PAF1: variants seen among roughly 807,000 people sequenced by gnomAD.
PAF1 encodes RNA polymerase II-associated factor 1 homolog.
PAF1 carries 31 observed loss-of-function variants against 68.4 expected under a neutral mutation model. The ratio of observed to expected loss-of-function variants is 0.45; its 90% CI spans 0.34 to 0.61. The LOEUF (loss-of-function observed/expected upper bound fraction) is 0.61, where lower values mean the gene tolerates loss of function less well. PAF1 is among the 20% of genes least tolerant of loss of function. The pLI is 0.01. For missense variants in PAF1, 435 were observed against 692.9 expected, an observed-to-expected ratio of 0.63 and a Z score of 4.18; for synonymous variants, 256 against 240.5, an observed-to-expected ratio of 1.06 and a Z score of -0.60.
chr19:39,387,808 C>T (rs919367527), intron 11 of PAF1, among the ~76,000 whole-genome samples: 1 of 152,212 alleles, frequency 6.6e-6, no homozygotes, highest in East Asian at 1.9e-4. Context: ...AAACTTGGCC[C>T]TCTGCCTTGC....
At position 39,385,907 on chromosome 19, in the gene PAF1, T is replaced by C. The variant is rs775270853; in HGVS notation, c.*84A>G. 56 of 1,561,354 alleles carry C rather than the reference T, an allele frequency of 3.6e-5. No homozygotes were observed. In the African/African-American group the frequency reaches 6.2e-4, roughly 17 times the overall value. On this transcript the variant is annotated 3_prime_UTR_variant, in exon 14 of 14. Transcript: ENST00000221265. ...GGTTTGGGGGTGGGGAACAAACAAG[T>C]GAAAGGCTCACAAACAGACCACTAG...
Position 39,390,901 on chromosome 19 carries a change from C to G in PAF1, c.-37G>C. 5 of 1,560,326 alleles carry G rather than the reference C, an allele frequency of 3.2e-6. No individual in the cohort carries two copies. The highest frequency in any genetic ancestry group is 4.3e-6 in the Non-Finnish European group (5 of 1,151,546). On this transcript the variant is annotated 5_prime_UTR_variant, in exon 1 of 14. Transcript: ENST00000221265. ...GACGGCAGCCCGGACGGGGTCCTAGCGGGACCGAAGGGGGACGCAGAGGGG... is the reference window on the plus strand; with the variant it reads ...GACGGCAGCCCGGACGGGGTCCTAGGGGGACCGAAGGGGGACGCAGAGGGG...
Position 39,390,038 on chromosome 19 carries a change from C to T in PAF1, c.170+31G>A, listed in dbSNP as rs765314769. 6.5e-6 allele frequency: 10 copies of T among 1,540,940 alleles called. 1 individual carries two copies. The highest frequency in any genetic ancestry group is 2.2e-5 in the South Asian group (2 of 89,538). On this transcript the variant is annotated intron_variant, in intron 3 of 13. Coordinates refer to ENST00000221265, the MANE Select transcript of PAF1 (RefSeq NM_019088.4). Reference sequence around the variant, plus strand: ...AGTCCCTGCCTTCAAGGAACTCATACCTGAGTAGTTTTCCCATTCCTTAGT... The same window carrying T: ...AGTCCCTGCCTTCAAGGAACTCATATCTGAGTAGTTTTCCCATTCCTTAGT...
At position 39,386,855 on chromosome 19, in the gene PAF1, C is replaced by A; in HGVS notation, c.987-56G>T. 1 of 1,171,892 alleles carries A rather than the reference C, an allele frequency of 8.5e-7. No homozygotes were observed. Among genetic ancestry groups the A allele is most frequent in the Non-Finnish European group, 1.3e-6 (1 of 778,500 alleles). The allele number at this position is 1,171,892 out of a possible 1,614,324, so 72.6% of individuals were successfully genotyped here. A position where few individuals can be genotyped will look rare whatever the true frequency, so the allele number is the denominator to read the frequency against. ...GGAAGATGCAGTTAAAGACACACCT[C>A]CCACTTCCCCGCCCCCCAGTGAGGG... On this transcript the variant is annotated intron_variant, in intron 11 of 13. Transcript: ENST00000221265. The surrounding 1 kb of genome is among the most constrained non-coding windows in gnomAD (Gnocchi z 6.1).
chr19:39,386,846 G>C lies in PAF1; in HGVS notation c.987-47C>G. 6.9e-6 allele frequency: 9 copies of C among 1,308,554 alleles called. No homozygotes were observed. Among genetic ancestry groups the C allele is most frequent in the Non-Finnish European group, 1.0e-5 (9 of 902,162 alleles). The allele number at this position is 1,308,554 out of a possible 1,614,324, so 81.1% of individuals were successfully genotyped here. A position where few individuals can be genotyped will look rare whatever the true frequency, so the allele number is the denominator to read the frequency against. ...GAGAGAAGTGGAAGATGCAGTTAAAGACACACCTCCCACTTCCCCGCCCCC... is the reference window on the plus strand; with the variant it reads ...GAGAGAAGTGGAAGATGCAGTTAAACACACACCTCCCACTTCCCCGCCCCC... On this transcript the variant is annotated intron_variant, in intron 11 of 13. Transcript: ENST00000221265. The surrounding 1 kb of genome is among the most constrained non-coding windows in gnomAD (Gnocchi z 6.1).
Position 39,389,893 on chromosome 19 carries a change from G to A in PAF1, c.171-132C>T. ...CCCCCATGGCAGAGTCTGAAAGCTGGCTCCCCAGTGGGAAGGGACTTGGAC... is the reference window on the plus strand; with the variant it reads ...CCCCCATGGCAGAGTCTGAAAGCTGACTCCCCAGTGGGAAGGGACTTGGAC... On this transcript the variant is annotated intron_variant, in intron 3 of 13. Coordinates refer to ENST00000221265, the MANE Select transcript of PAF1 (RefSeq NM_019088.4). This position sits in a 1 kb window ranked among gnomAD's most constrained non-coding sequence, Gnocchi z 5.3. 7.7e-7 allele frequency: 1 copy of A among 1,296,456 alleles called. No homozygotes were observed. The highest frequency in any genetic ancestry group is 1.2e-5 in the South Asian group (1 of 80,686). The allele number at this position is 1,296,456 out of a possible 1,614,324, so 80.3% of individuals were successfully genotyped here.
Position 39,390,296 on chromosome 19 carries a change from G to T in PAF1, c.48-7C>A. 6.2e-7 allele frequency: 1 copy of T among 1,610,112 alleles called. No homozygotes were observed. Among genetic ancestry groups the T allele is most frequent in the Non-Finnish European group, 8.5e-7 (1 of 1,178,048 alleles). ...AGTCCGGTGGGAATTGGGCCTAGTG[G>T]AGAAGAAAGAAACAGTGATAGGTGG... On this transcript the variant is annotated splice_region_variant and splice_polypyrimidine_tract_variant and intron_variant, in intron 1 of 13. Transcript: ENST00000221265.
chr19:39,389,475 C>T lies in PAF1; in HGVS notation c.359+5G>A. The T allele has an allele frequency of 4.3e-6, 7 of 1,614,144 alleles. No homozygotes were observed. The highest frequency in any genetic ancestry group is 5.9e-6 in the Non-Finnish European group (7 of 1,179,984). On this transcript the variant is annotated splice_donor_5th_base_variant and intron_variant, in intron 5 of 13. Coordinates refer to ENST00000221265, the MANE Select transcript of PAF1 (RefSeq NM_019088.4). This position sits in a 1 kb window ranked among gnomAD's most constrained non-coding sequence, Gnocchi z 5.3. ...GTCTCCAGTACCCATTTGCTACCCA[C>T]TCACCTCTTGGAGCTGGTGGGGGCC...
Position 39,385,951 on chromosome 19 carries a change from A to G in PAF1, c.*40T>C. 6.2e-7 allele frequency: 1 copy of G among 1,608,632 alleles called. No individual in the cohort carries two copies. Among genetic ancestry groups the G allele is most frequent in the Non-Finnish European group, 8.5e-7 (1 of 1,178,634 alleles). On this transcript the variant is annotated 3_prime_UTR_variant, in exon 14 of 14. Transcript: ENST00000221265. ...CCACTAGAAAAGTGCTTTGCTGCTC[A>G]CAATAATGGTGTCTGAACCAGCCCT...
chr19:39,386,752 G>A lies in PAF1; in HGVS notation c.1034C>T (p.Thr345Ile). 6.2e-7 allele frequency: 1 copy of A among 1,614,132 alleles called. No homozygotes were observed. The highest frequency in any genetic ancestry group is 1.1e-5 in the South Asian group (1 of 91,082). ...ATGTTTGACCACAAGCAGGGCGTTG[G>A]TGCCTGACTGAACCCCAGCCTTGGC... ...RRAKAGVQSG[T>I]NALLVVKHRD... Residue 345 changes from threonine to isoleucine, a missense_variant, in exon 12 of 14, where the codon ACC (threonine) becomes ATC (isoleucine). Thr to Ile is a moderately conservative substitution (Grantham distance 89). Coordinates refer to ENST00000221265, the MANE Select transcript of PAF1 (RefSeq NM_019088.4). The surrounding 1 kb of genome is among the most constrained non-coding windows in gnomAD (Gnocchi z 6.1).
rs764942058 is a variant in PAF1 at position 39,388,855 on chromosome 19, T to C, written c.647A>G (p.Asn216Ser). Residue 216 changes from asparagine to serine, a missense_variant, in exon 9 of 14, where the codon AAT (asparagine) becomes AGT (serine). Around this residue, in one of 7 missense-constraint regions of PAF1, gnomAD observed 151 missense variants for 306.3 expected, o/e 0.49. Transcript: ENST00000221265. ...GTCAAAGATCACCTGAGCACATGGA[T>C]TGATCCACATCTAGGGAGATGGAGG... ...PVFPDFKMWI[N>S]PCAQVIFDSD... 5 of 1,613,992 alleles carry C rather than the reference T, an allele frequency of 3.1e-6. No individual in the cohort carries two copies. The highest frequency in any genetic ancestry group is 1.7e-5 in the Admixed American group (1 of 60,002).
chr19:39,390,313 G>A (rs1227006120), intron 1 of PAF1, 24 bp from the exon 2 acceptor site: 2 of 1,602,152 alleles, frequency 1.2e-6, no homozygotes, highest in South Asian at 1.1e-5. Flanking sequence ...AAGAAACAGT[G>A]ATAGGTGGAG....
chr19:39,390,692 C>A, intron 1 of PAF1, 126 bp downstream of exon 1: 4 of 1,018,110 alleles, frequency 3.9e-6, no homozygotes, highest in South Asian at 2.9e-5. Context: ...CAGAAGGAAC[C>A]CGCCCCCTTC....
Position 39,386,409 on chromosome 19 carries a change from A to C in PAF1, c.1184-6T>G, listed in dbSNP as rs767042623. 5 of 1,613,844 alleles carry C rather than the reference A, an allele frequency of 3.1e-6. No individual in the cohort carries two copies. The East Asian group carries it at 1.1e-4, about 36-fold the overall frequency. Reference sequence around the variant, plus strand: ...GCCCTTCTCCTGCTCCTCATCTGGAAGGGAGTGGAGAGAGATGAAACCCAC... The same window carrying C: ...GCCCTTCTCCTGCTCCTCATCTGGACGGGAGTGGAGAGAGATGAAACCCAC... On this transcript the variant is annotated splice_polypyrimidine_tract_variant and splice_region_variant and intron_variant, in intron 13 of 13. Transcript: ENST00000221265. This position sits in a 1 kb window ranked among gnomAD's most constrained non-coding sequence, Gnocchi z 6.1.
In PAF1 at chr19:39,389,467, G is replaced by GCTA. The variant is rs759980697; in HGVS notation, c.359+10_359+12dup. ...CTGAGCCAGTCTCCAGTACCCATTT[G>GCTA]CTACCCACTCACCTCTTGGAGCTGG... On this transcript the variant is annotated intron_variant, in intron 5 of 13. Transcript: ENST00000221265. The surrounding 1 kb of genome is among the most constrained non-coding windows in gnomAD (Gnocchi z 5.3). 4.3e-6 allele frequency: 7 copies of GCTA among 1,613,830 alleles called. No individual in the cohort carries two copies. The East Asian group carries it at 1.6e-4, about 36-fold the overall frequency.
intron 11 of PAF1, among the ~76,000 whole-genome samples, chr19:39,387,602 G>A (rs372577111): frequency 1.5e-3 from 230 of 152,264 alleles, no homozygotes; most frequent in Admixed American, 4.6e-3. Flanking sequence ...GCTTTAAACA[G>A]AAACTCAAGA....
rs1382120413 is a variant in PAF1, at chr19:39,385,926, C to T, written c.*65G>A. 3.1e-6 allele frequency: 5 copies of T among 1,593,694 alleles called. No individual in the cohort carries two copies. Among genetic ancestry groups the T allele is most frequent in the Non-Finnish European group, 4.3e-6 (5 of 1,172,692 alleles). On this transcript the variant is annotated 3_prime_UTR_variant, in exon 14 of 14. Transcript: ENST00000221265. Reference sequence around the variant, plus strand: ...AACAAGTGAAAGGCTCACAAACAGACCACTAGAAAAGTGCTTTGCTGCTCA... The same window carrying T: ...AACAAGTGAAAGGCTCACAAACAGATCACTAGAAAAGTGCTTTGCTGCTCA...
At position 39,385,844 on chromosome 19, in the gene PAF1, AG is replaced by A. The variant is rs1459147430; in HGVS notation, c.*146del. ...GCTGAATGACATCATAGGGGCTGGG[AG>A]GGGAAGTAAAGAGAAGTTGACTTTA... is the stretch of plus-strand genomic sequence containing the variant. On this transcript the variant is annotated 3_prime_UTR_variant, in exon 14 of 14. Transcript: ENST00000221265. 8.5e-6 allele frequency: 10 copies of A among 1,181,724 alleles called. No individual in the cohort carries two copies. Among genetic ancestry groups the A allele is most frequent in the Non-Finnish European group, 1.1e-5 (9 of 852,186 alleles). The allele number at this position is 1,181,724 out of a possible 1,614,324, so 73.2% of individuals were successfully genotyped here.
chr19:39,387,307 C>A, intron 11 of PAF1: 1 of 293,584 alleles, frequency 3.4e-6, no homozygotes, highest in African/African-American at 2.1e-5. Flanking sequence ...GGTATTCTAT[C>A]TTAAGGGACC....
Sources: allele counts gnomAD v4.1 joint callset (sites outside exome capture counted in the v4.1 genomes callset), GRCh38; gene constraint gnomAD v4.1.1; regional missense constraint gnomAD v4.1.1; non-coding constraint Gnocchi (gnomAD v3.1); transcripts MANE v1.5; gene names NCBI Gene and HGNC (gene_info 2026-07-23, HGNC 2026-07-21).